OSBPL10: variants seen among roughly 807,000 people sequenced by gnomAD.
OSBPL10 encodes the protein oxysterol-binding protein-related protein 10.
A neutral mutation model predicts 81.7 loss-of-function variants in OSBPL10; 49 were observed. That is an observed-to-expected ratio of 0.60 (90% CI 0.48 to 0.76). The LOEUF is 0.76. Ranked by LOEUF, OSBPL10 falls within the 30% of genes least tolerant of loss-of-function variation. The pLI is 0.00. For synonymous variants in OSBPL10, 419 were observed against 383.6 expected, an observed-to-expected ratio of 1.09 and a Z score of -1.08; for missense variants, 923 against 987.8, an observed-to-expected ratio of 0.93 and a Z score of 0.88.
Position 31,956,485 on chromosome 3 carries a change from G to A in OSBPL10, c.281+24414C>T, listed in dbSNP as rs534886710. Among the ~76,000 whole-genome samples, 289 of 152,336 alleles carry A rather than the reference G, an allele frequency of 1.9e-3. 1 individual carries two copies. The highest frequency in any genetic ancestry group is 6.7e-3 in the African/African-American group (279 of 41,588). On this transcript the variant is annotated intron_variant, in intron 1 of 11. Transcript: ENST00000396556. ...TGTAATCCCAGCATTTTGGGAGGCC[G>A]AGGCAGCTGGATCACCTGAGGTCAG...
intron 3 of OSBPL10, among the ~76,000 whole-genome samples, chr3:31,835,098 C>T (rs1412712322): frequency 6.6e-6 from 1 of 152,092 alleles, no homozygotes; most frequent in Non-Finnish European, 1.5e-5. Context: ...AACTATATGG[C>T]CATTTTGGTC....
intron 4 of OSBPL10, among the ~76,000 whole-genome samples, chr3:31,819,682 A>C (rs1699933055): frequency 1.3e-5 from 2 of 152,348 alleles, no homozygotes; most frequent in Non-Finnish European, 2.9e-5. Context: ...GTTGGCGGTC[A>C]AATTCCCTGG....
chr3:31,818,423 TTC>T (rs888949629), intron 4 of OSBPL10, among the ~76,000 whole-genome samples: 1 of 152,156 alleles, frequency 6.6e-6, no homozygotes, highest in African/African-American at 2.4e-5. Context: ...TAAAACAAAC[TTC>T]TCTCTCTGTG....
At chr3:31,880,886 G>T (rs1427909736) in intron 1 of OSBPL10, among the ~76,000 whole-genome samples, 1 of 152,228 alleles carries the variant, frequency 6.6e-6, no homozygotes, top group African/African-American at 2.4e-5. Flanking sequence ...AGTCTCAACA[G>T]TTCAGAAGTT....
At chr3:31,767,678 A>G (rs1339921510) in intron 4 of OSBPL10, among the ~76,000 whole-genome samples, 1 of 152,160 alleles carries the variant, frequency 6.6e-6, no homozygotes, top group Non-Finnish European at 1.5e-5. Context: ...CCACTCCCAT[A>G]GCACCTGGCT....
chr3:31,784,696 C>T (rs1698815453), intron 4 of OSBPL10, among the ~76,000 whole-genome samples: 1 of 150,986 alleles, frequency 6.6e-6, no homozygotes. Flanking sequence ...GATTCTCTCA[C>T]CTCAGCCTCC....
chr3:31,664,917 C>T (rs1700153969), intron 10 of OSBPL10, among the ~76,000 whole-genome samples: 1 of 151,874 alleles, frequency 6.6e-6, no homozygotes, highest in Non-Finnish European at 1.5e-5. Flanking sequence ...GGCTGTTCAG[C>T]TCACTACCCC....
intron 8 of OSBPL10, among the ~76,000 whole-genome samples, chr3:31,675,932 C>A (rs1293913433): frequency 2.3e-5 from 3 of 129,982 alleles, no homozygotes; most frequent in Non-Finnish European, 1.5e-5. Context: ...GGCGACAGAG[C>A]GAGACTCCAT....
chr3:31,885,014 T>C (rs1012915732), intron 1 of OSBPL10, among the ~76,000 whole-genome samples: 1 of 152,154 alleles, frequency 6.6e-6, no homozygotes, highest in African/African-American at 2.4e-5. Flanking sequence ...CCAGGCTAGC[T>C]TCTTGGTGAA....
chr3:31,882,771 C>A (rs2125643459), intron 1 of OSBPL10, among the ~76,000 whole-genome samples: 1 of 152,290 alleles, frequency 6.6e-6, no homozygotes, highest in South Asian at 2.1e-4. Context: ...ACCTGCTGAG[C>A]AACACCCACA....
intron 1 of OSBPL10, among the ~76,000 whole-genome samples, chr3:31,926,343 G>C (rs1016976933): frequency 3.3e-4 from 45 of 137,038 alleles, no homozygotes; most frequent in African/African-American, 1.2e-3. Context: ...GTTATAACCA[G>C]AGAAGATGCC....
At chr3:31,671,739 G>A (rs1335795470) in intron 8 of OSBPL10, among the ~76,000 whole-genome samples, 1 of 152,132 alleles carries the variant, frequency 6.6e-6, no homozygotes, top group East Asian at 1.9e-4. Context: ...TCCTCTCAAA[G>A]CAATGCAGAA....
chr3:31,754,456 T>C (rs950288168), intron 4 of OSBPL10, among the ~76,000 whole-genome samples: 1 of 151,636 alleles, frequency 6.6e-6, no homozygotes. Flanking sequence ...CAGATGACAA[T>C]GTTACAAAGA....
intron 4 of OSBPL10, among the ~76,000 whole-genome samples, chr3:31,762,629 C>CTTTTTTTTTTTT (rs1491572896): frequency 2.3e-4 from 4 of 17,234 alleles, no homozygotes; most frequent in African/African-American, 1.7e-3. Context: ...CCATGCCCAG[C>CTTTTTTTTTTTT]ATTTTTTTTT....
intron 8 of OSBPL10, among the ~76,000 whole-genome samples, chr3:31,678,444 G>A (rs957395619): frequency 5.9e-5 from 9 of 152,158 alleles, no homozygotes; most frequent in African/African-American, 1.2e-4. Flanking sequence ...CTCCTTGTCG[G>A]AGCCCACCGC....
chr3:31,989,983 G>T, intron 2 of OSBPL10: 1 of 1,614,128 alleles, frequency 6.2e-7, no homozygotes, highest in Non-Finnish European at 8.5e-7. Flanking sequence ...ATCAAACCTT[G>T]CAAGTCATCA....
At chr3:31,817,635 C>T (rs1233710296) in intron 4 of OSBPL10, among the ~76,000 whole-genome samples, 1 of 152,204 alleles carries the variant, frequency 6.6e-6, no homozygotes, top group Non-Finnish European at 1.5e-5. Flanking sequence ...GGATCCACAG[C>T]CGCAGTTTGG....
At chr3:31,880,063 C>T (rs1695514698) in intron 1 of OSBPL10, among the ~76,000 whole-genome samples, 1 of 152,226 alleles carries the variant, frequency 6.6e-6, no homozygotes, top group Non-Finnish European at 1.5e-5. Flanking sequence ...GGGCCAGGAC[C>T]ACTCAGGATT....
rs60886858 is a variant in OSBPL10 at position 31,783,823 on chromosome 3, AATATATATATATATAT to A, written c.730-35719_730-35704del. ...AAAAAAAAAAAAAAAAAAAAAAAAAAATATATATATATATATATATATATATATATATATATGAATG... is the reference window on the plus strand; with the variant it reads ...AAAAAAAAAAAAAAAAAAAAAAAAAAATATATATATATATATATATGAATG... On this transcript the variant is annotated intron_variant, in intron 4 of 11. Transcript: ENST00000396556. 2.2e-3 allele frequency among the ~76,000 whole-genome samples: 37 copies of A among 16,744 alleles called. No homozygotes were observed. The South Asian group carries it at 0.032, about 14-fold the overall frequency. 11.0% of individuals were successfully genotyped at this position (16,744 alleles called of 152,430 possible). A position where few individuals can be genotyped will look rare whatever the true frequency, so the allele number is the denominator to read the frequency against.
Sources: gnomAD v4.1 joint callset for allele counts (sites outside exome capture counted in the v4.1 genomes callset) on GRCh38, gnomAD v4.1.1 for gene constraint, MANE v1.5 for transcripts, NCBI Gene and HGNC (gene_info 2026-07-23, HGNC 2026-07-21) for gene names.